The following FBXL17 variants were observed in gnomAD, a reference collection of about 807,000 sequenced individuals.
FBXL17 encodes F-box/LRR-repeat protein 17.
FBXL17 carries 22 observed loss-of-function variants against 66.2 expected under a neutral mutation model. The observed-to-expected ratio is 0.33, with a 90% confidence interval of 0.24 to 0.47. The LOEUF (loss-of-function observed/expected upper bound fraction) is 0.47. Among genes scored for constraint, FBXL17 ranks in the 20% least tolerant of loss-of-function variants. The pLI, the probability that FBXL17 is intolerant of heterozygous loss-of-function variation, is 1.00. For missense variants in FBXL17, 878 were observed against 948.2 expected (o/e 0.93, Z 0.97); for synonymous variants, 474 against 400.5 (o/e 1.18, Z -2.19).
chr5:108,219,928 C>CTTTTTTTTTTTTTTTTTTTTTTTTTTT, intron 5 of FBXL17, among the ~76,000 whole-genome samples: 7 of 37,432 alleles, frequency 1.9e-4, no homozygotes, highest in African/African-American at 3.6e-4. Flanking sequence ...TTACTATTTC[C>CTTTTTTTTTTTTTTTTTTTTTTTTTTT]TTTTTTTTTT....
rs574288784 is a variant in FBXL17 at position 108,081,591 on chromosome 5, C to T, written c.1746-60590G>A. The stretch of plus-strand genomic sequence containing the variant: ...AAAAAAAAGTAGCCGGCCGTGGTGG[C>T]AGGCGTCTGTAGTCCCAGCTACTCG... On this transcript the variant is annotated intron_variant, in intron 6 of 8. Coordinates refer to ENST00000542267, the MANE Select transcript of FBXL17 (RefSeq NM_001163315.3). Among the ~76,000 whole-genome samples the T allele has an allele frequency of 2.8e-4, 43 of 152,156 alleles. No homozygotes were observed. In the South Asian group the frequency reaches 7.9e-3, roughly 28 times the overall value.
chr5:108,070,171 A>G (rs977351561), intron 6 of FBXL17, among the ~76,000 whole-genome samples: 2 of 152,214 alleles, frequency 1.3e-5, no homozygotes, highest in African/African-American at 4.8e-5. Flanking sequence ...TCATTCCATT[A>G]GAACCAATAA....
intron 7 of FBXL17, among the ~76,000 whole-genome samples, chr5:107,997,364 T>C (rs761569438): frequency 6.6e-6 from 1 of 152,206 alleles, no homozygotes; most frequent in Non-Finnish European, 1.5e-5. Context: ...AACTCTAATA[T>C]TCTAGTGACA....
At chr5:108,183,193 A>G (rs1298877940) in intron 6 of FBXL17, among the ~76,000 whole-genome samples, 3 of 151,978 alleles carry the variant, frequency 2.0e-5, no homozygotes, top group Admixed American at 6.6e-5. Context: ...GGCATGTGCC[A>G]CCATGCCCAG....
chr5:108,076,378 T>G (rs1049241951), intron 6 of FBXL17, among the ~76,000 whole-genome samples: 10 of 152,236 alleles, frequency 6.6e-5, no homozygotes, highest in Admixed American at 3.3e-4. Flanking sequence ...ATCTGTTATA[T>G]AATTAAAATG....
chr5:108,166,313 C>A lies in FBXL17; in HGVS notation c.1745+19804G>T, dbSNP rs376013255. Among the ~76,000 whole-genome samples, 140 of 152,288 alleles carry A rather than the reference C, an allele frequency of 9.2e-4. 2 individuals are homozygous for A. The South Asian group carries it at 0.027, about 30-fold the overall frequency. On this transcript the variant is annotated intron_variant, in intron 6 of 8. Coordinates refer to ENST00000542267, the MANE Select transcript of FBXL17 (RefSeq NM_001163315.3). ...AGACCCAAGCAAAGAAAAATAAGCA[C>A]CTGCCGGTGTCTTACCTCTAGCAGT... is the stretch of plus-strand genomic sequence containing the variant.
chr5:108,236,800 G>A (rs964753152), intron 4 of FBXL17, among the ~76,000 whole-genome samples: 2 of 152,132 alleles, frequency 1.3e-5, no homozygotes, highest in African/African-American at 4.8e-5. Context: ...AGTAGTCAGT[G>A]GGCCCATAGG....
At chr5:108,031,848 C>CTG (rs573826334) in intron 6 of FBXL17, among the ~76,000 whole-genome samples, 3 of 152,050 alleles carry the variant, frequency 2.0e-5, no homozygotes, top group East Asian at 3.9e-4. Context: ...TGCCAAAATT[C>CTG]TGTGTGTGTG....
intron 5 of FBXL17, among the ~76,000 whole-genome samples, chr5:108,208,468 C>T (rs1486915911): frequency 2.0e-5 from 3 of 152,120 alleles, no homozygotes; most frequent in African/African-American, 7.2e-5. Flanking sequence ...GTCTTTCACC[C>T]ATCTTGAGTT....
At chr5:108,309,139 C>A (rs908294925) in intron 4 of FBXL17, among the ~76,000 whole-genome samples, 3 of 152,016 alleles carry the variant, frequency 2.0e-5, no homozygotes, top group Admixed American at 1.3e-4. Flanking sequence ...TACATCAATA[C>A]AATGGAAGAC....
rs374212182 is a variant in FBXL17, at chr5:108,213,561, G to A, written c.1614+10560C>T. Among the ~76,000 whole-genome samples, 52 of 152,238 alleles carry A rather than the reference G, an allele frequency of 3.4e-4. No individual in the cohort carries two copies. In the South Asian group the frequency reaches 7.0e-3, roughly 21 times the overall value. On this transcript the variant is annotated intron_variant, in intron 5 of 8. Coordinates refer to ENST00000542267, the MANE Select transcript of FBXL17 (RefSeq NM_001163315.3). The stretch of plus-strand genomic sequence containing the variant: ...GGGAGAAAATTCCCCAATCCCTTGC[G>A]CTTCCTGGGTGAGGCAATGCCCCAC...
At chr5:108,161,792 A>C (rs1752228804) in intron 6 of FBXL17, among the ~76,000 whole-genome samples, 1 of 152,256 alleles carries the variant, frequency 6.6e-6, no homozygotes, top group Non-Finnish European at 1.5e-5. Context: ...AGAAAACCTA[A>C]GTGAGAACCA....
chr5:108,023,363 G>A (rs1344187922), intron 6 of FBXL17, among the ~76,000 whole-genome samples: 1 of 152,106 alleles, frequency 6.6e-6, no homozygotes, highest in Non-Finnish European at 1.5e-5. Context: ...TATATACTGA[G>A]ACACAAAATT....
At chr5:108,221,645 A>T (rs1382611625) in intron 5 of FBXL17, among the ~76,000 whole-genome samples, 1 of 152,144 alleles carries the variant, frequency 6.6e-6, no homozygotes, top group Non-Finnish European at 1.5e-5. Flanking sequence ...CATCCTCTTG[A>T]TTATTTATTA....
At chr5:108,079,114 G>A (rs1001372618) in intron 6 of FBXL17, among the ~76,000 whole-genome samples, 1 of 151,818 alleles carries the variant, frequency 6.6e-6, no homozygotes, top group Admixed American at 6.6e-5. Context: ...CTCCCAAAGG[G>A]GTGGGATTAT....
At chr5:108,164,924 G>C (rs1329537452) in intron 6 of FBXL17, among the ~76,000 whole-genome samples, 1 of 152,156 alleles carries the variant, frequency 6.6e-6, no homozygotes, top group Non-Finnish European at 1.5e-5. Flanking sequence ...AGTTTTGTCA[G>C]TTATTAAACC....
intron 3 of FBXL17, among the ~76,000 whole-genome samples, chr5:108,360,022 A>C (rs1390572573): frequency 6.6e-6 from 1 of 152,124 alleles, no homozygotes; most frequent in Non-Finnish European, 1.5e-5. Context: ...TGAAAGATTA[A>C]TATTTTATAT....
At chr5:108,023,220 T>C (rs1224961913) in intron 6 of FBXL17, among the ~76,000 whole-genome samples, 1 of 152,136 alleles carries the variant, frequency 6.6e-6, no homozygotes, top group African/African-American at 2.4e-5. Flanking sequence ...AAATTATTCC[T>C]GAAGTAAAAA....
chr5:107,961,399 A>G (rs1383787173), intron 7 of FBXL17, among the ~76,000 whole-genome samples: 3 of 150,832 alleles, frequency 2.0e-5, no homozygotes, highest in Admixed American at 6.6e-5. Context: ...TAATTTTTGT[A>G]ATTTTTTTGG....
Sources: gnomAD v4.1 joint callset for allele counts (sites outside exome capture counted in the v4.1 genomes callset) on GRCh38, gnomAD v4.1.1 for gene constraint, MANE v1.5 for transcripts, NCBI Gene and HGNC (gene_info 2026-07-23, HGNC 2026-07-21) for gene names.